The following SCIN variants were observed in gnomAD, a reference collection of about 807,000 sequenced individuals.
SCIN encodes scinderin.
Under a neutral mutation model 91.8 loss-of-function variants are expected in SCIN, and 91 were observed. The observed-to-expected ratio is 0.99, with a 90% CI of 0.84 to 1.18. SCIN has a LOEUF of 1.18. Ranked by LOEUF, SCIN falls within the 50% of genes most tolerant of loss-of-function variation. SCIN has a pLI of 0.00. For synonymous variants in SCIN, 367 were observed against 312.6 expected (o/e 1.17, Z -1.84); for missense variants, 1,087 against 863.9 (o/e 1.26, Z -3.24).
chr7:12,635,574 T>G (rs1395897730), intron 9 of SCIN, among the ~76,000 whole-genome samples: 1 of 120,042 alleles, frequency 8.3e-6, no homozygotes, highest in Non-Finnish European at 1.6e-5. Flanking sequence ...ACCACACCAT[T>G]GCACTCCAGC....
At chr7:12,581,318 C>A in intron 3 of SCIN, 97 bp downstream of exon 3, 2 of 1,296,210 alleles carry the variant, frequency 1.5e-6, no homozygotes, top group South Asian at 1.5e-5. Flanking sequence ...ACTTTTTCTA[C>A]ACACCAGAAA....
chr7:12,643,812 C>A (rs759854315), intron 11 of SCIN, among the ~76,000 whole-genome samples: 1 of 152,198 alleles, frequency 6.6e-6, no homozygotes, highest in Non-Finnish European at 1.5e-5. Flanking sequence ...CTTACTGGTT[C>A]TTCTTCCTCT....
rs1169583860 is a variant in SCIN, at chr7:12,654,289, A to C, written c.*1574A>C. ...CTATTTTCTTTTAATCATAGAATTC[A>C]CTGATATTTTAGCAGATAATGTGGC... On this transcript the variant is annotated 3_prime_UTR_variant, in exon 16 of 16. Coordinates refer to ENST00000297029, the MANE Select transcript of SCIN (RefSeq NM_001112706.3). The C allele has an allele frequency of 6.6e-6, 1 of 152,174 alleles. No homozygotes were observed. The highest frequency in any genetic ancestry group is 1.5e-5 in the Non-Finnish European group (1 of 68,022). 9.4% of individuals were successfully genotyped at this position (152,174 alleles called of 1,614,324 possible). A position where few individuals can be genotyped will look rare whatever the true frequency, so the allele number is the denominator to read the frequency against.
chr7:12,584,531 A>G (rs1044390474), intron 3 of SCIN, among the ~76,000 whole-genome samples: 1 of 152,180 alleles, frequency 6.6e-6, no homozygotes, highest in East Asian at 1.9e-4. Flanking sequence ...ACATTACAAT[A>G]TAACCTCCTC....
chr7:12,632,694 T>C (rs1315769577), intron 9 of SCIN, among the ~76,000 whole-genome samples: 1 of 152,076 alleles, frequency 6.6e-6, no homozygotes, highest in East Asian at 1.9e-4. Flanking sequence ...TGAGCATAAA[T>C]GGGTAGTGTT....
chr7:12,636,540 C>T (rs1783756277), intron 10 of SCIN, among the ~76,000 whole-genome samples: 1 of 152,092 alleles, frequency 6.6e-6, no homozygotes, highest in South Asian at 2.1e-4. Flanking sequence ...TGATATGTTA[C>T]AAAGCAAAGG....
chr7:12,648,374 G>C (rs1395185583), intron 13 of SCIN, among the ~76,000 whole-genome samples: 4 of 143,926 alleles, frequency 2.8e-5, no homozygotes, highest in African/African-American at 1.0e-4. Flanking sequence ...TTGACTCACT[G>C]CAACCTCCAC....
chr7:12,608,168 A>G (rs955637884), intron 4 of SCIN, among the ~76,000 whole-genome samples: 13 of 152,174 alleles, frequency 8.5e-5, no homozygotes, highest in African/African-American at 3.1e-4. Flanking sequence ...TAAAATATGT[A>G]TTTTGATATT....
At chr7:12,637,671 T>A (rs1484425374) in intron 10 of SCIN, among the ~76,000 whole-genome samples, 1 of 151,444 alleles carries the variant, frequency 6.6e-6, no homozygotes, top group Non-Finnish European at 1.5e-5. Context: ...GAGGATAGTG[T>A]GAGAGGGAGG....
At chr7:12,612,457 C>A (rs571872049) in intron 4 of SCIN, among the ~76,000 whole-genome samples, 1 of 152,290 alleles carries the variant, frequency 6.6e-6, no homozygotes, top group East Asian at 1.9e-4. Context: ...GAATCTTTCT[C>A]TTTCTCCTCT....
In SCIN at chr7:12,656,467, C is replaced by T. The variant is rs1050101329; in HGVS notation, c.*3752C>T. The T allele has an allele frequency of 2.0e-5, 3 of 151,816 alleles. No homozygotes were observed. Among genetic ancestry groups the T allele is most frequent in the African/African-American group, 7.3e-5 (3 of 41,304 alleles). 9.4% of individuals were successfully genotyped at this position (151,816 alleles called of 1,614,324 possible). ...TTTATTTTAAACATTTATTTTAAAC[C>T]TAATTCATTTGAACTGAACTTGAAT... On this transcript the variant is annotated 3_prime_UTR_variant, in exon 16 of 16. Transcript: ENST00000297029.
chr7:12,573,811 T>C (rs961972649), intron 1 of SCIN, among the ~76,000 whole-genome samples: 1 of 152,214 alleles, frequency 6.6e-6, no homozygotes. Context: ...TATACATTTA[T>C]GTTATAAGTG....
Position 12,652,910 on chromosome 7 carries a change from C to G in SCIN, c.*195C>G. ...CTGGGGTCAGGATTTCGAGACCAGC[C>G]TGGCCAACATGGCGAAACCTCGCCT... On this transcript the variant is annotated 3_prime_UTR_variant, in exon 16 of 16. Transcript: ENST00000297029. 3.5e-6 allele frequency: 2 copies of G among 576,410 alleles called. No individual in the cohort carries two copies. Among genetic ancestry groups the G allele is most frequent in the Non-Finnish European group, 5.7e-6 (2 of 348,666 alleles). 35.7% of individuals were successfully genotyped at this position (576,410 alleles called of 1,614,324 possible). A position where few individuals can be genotyped will look rare whatever the true frequency, so the allele number is the denominator to read the frequency against.
Position 12,626,788 on chromosome 7 carries a change from G to A in SCIN, c.1186G>A (p.Gly396Ser), listed in dbSNP as rs1457665364. 6.2e-7 allele frequency: 1 copy of A among 1,607,812 alleles called. No homozygotes were observed. The highest frequency in any genetic ancestry group is 8.5e-7 in the Non-Finnish European group (1 of 1,177,086). The change falls in exon 8 of 16, where the codon GGC becomes AGC. Residue 396 changes from glycine to serine, a missense_variant. Gly to Ser is a moderately conservative substitution (Grantham distance 56, BLOSUM62 0). Coordinates refer to ENST00000297029, the MANE Select transcript of SCIN (RefSeq NM_001112706.3). ...AQHNMVDDGS[G>S]KVEIWRVENN... ...GCACAATATGGTGGATGATGGTTCT[G>A]GCAAAGTGGAGGTATTTACCTGTTT...
At chr7:12,610,065 A>C (rs1042228691) in intron 4 of SCIN, among the ~76,000 whole-genome samples, 1 of 152,230 alleles carries the variant, frequency 6.6e-6, no homozygotes, top group African/African-American at 2.4e-5. Context: ...GCCAGAGAGC[A>C]TGGTCTGAAT....
At chr7:12,597,368 C>G (rs985644664) in intron 3 of SCIN, among the ~76,000 whole-genome samples, 4 of 152,308 alleles carry the variant, frequency 2.6e-5, no homozygotes, top group Admixed American at 1.3e-4. Flanking sequence ...AGTCTGGCCT[C>G]ACGTTCTCCT....
intron 4 of SCIN, chr7:12,610,982 T>G (rs1283411502): frequency 6.6e-6 from 1 of 152,220 alleles, no homozygotes; most frequent in African/African-American, 2.4e-5. Flanking sequence ...CATCACCCCT[T>G]TTAGAATCCA....
chr7:12,594,611 G>A (rs1025360003), intron 3 of SCIN, among the ~76,000 whole-genome samples: 1 of 152,164 alleles, frequency 6.6e-6, no homozygotes, highest in Non-Finnish European at 1.5e-5. Context: ...GAGGCCGAGA[G>A]CCTTGCGATT....
intron 4 of SCIN, among the ~76,000 whole-genome samples, chr7:12,606,929 G>T (rs775573193): frequency 6.6e-6 from 1 of 152,080 alleles, no homozygotes; most frequent in Non-Finnish European, 1.5e-5. Context: ...TTCTTTTAAG[G>T]CCTCTGTTCT....
Sources: allele counts gnomAD v4.1 joint callset (sites outside exome capture counted in the v4.1 genomes callset), GRCh38; gene constraint gnomAD v4.1.1; transcripts MANE v1.5; gene names NCBI Gene and HGNC (gene_info 2026-07-23, HGNC 2026-07-21).